Variants in ZC3H12C observed in about 807,000 individuals in gnomAD.
The protein encoded by ZC3H12C is probable ribonuclease ZC3H12C.
ZC3H12C carries 20 observed loss-of-function variants against 76.3 expected under a neutral mutation model. That is an observed-to-expected ratio of 0.26 (90% CI 0.18 to 0.38). The LOEUF is 0.38. Among genes scored for constraint, ZC3H12C ranks in the 10% least tolerant of loss-of-function variants. ZC3H12C has a pLI of 1.00. For missense variants in ZC3H12C, 874 were observed against 1,086.5 expected (o/e 0.80, Z 2.75); for synonymous variants, 352 against 399.6 (o/e 0.88, Z 1.42).
intron 2 of ZC3H12C, among the ~76,000 whole-genome samples, chr11:110,145,678 A>G (rs1431183301): frequency 6.6e-6 from 1 of 152,052 alleles, no homozygotes; most frequent in Non-Finnish European, 1.5e-5. Context: ...CACTGATGTT[A>G]GGATGCCTCT....
At chr11:110,113,188 G>A (rs527953296) in intron 1 of ZC3H12C, among the ~76,000 whole-genome samples, 15 of 152,182 alleles carry the variant, frequency 9.9e-5, no homozygotes, top group Middle Eastern at 3.4e-3. Flanking sequence ...CCAAAGAGTC[G>A]ATAGATAGAA....
intron 1 of ZC3H12C, chr11:110,135,880 C>T (rs992312873): frequency 1.8e-4 from 28 of 151,992 alleles, no homozygotes; most frequent in Non-Finnish European, 4.1e-4. Context: ...AAACTTTTAC[C>T]TTTTCCTGGA....
At chr11:110,154,410 A>G (rs1293528850) in intron 3 of ZC3H12C, among the ~76,000 whole-genome samples, 1 of 152,116 alleles carries the variant, frequency 6.6e-6, no homozygotes, top group Non-Finnish European at 1.5e-5. Context: ...TAATTATTAC[A>G]TCATTGTTAA....
intron 1 of ZC3H12C, among the ~76,000 whole-genome samples, chr11:110,107,279 C>T (rs1486047110): frequency 1.3e-5 from 2 of 152,106 alleles, no homozygotes; most frequent in African/African-American, 4.8e-5. Context: ...ATTTTGAGAC[C>T]TATTTTTATC....
intron 1 of ZC3H12C, among the ~76,000 whole-genome samples, chr11:110,121,361 C>G (rs948581767): frequency 6.6e-6 from 1 of 152,138 alleles, no homozygotes; most frequent in South Asian, 2.1e-4. Context: ...ATCCCGGCCC[C>G]GTTAGAGCTA....
chr11:110,163,484 C>A, intron 5 of ZC3H12C, 105 bp downstream of exon 5: 1 of 810,114 alleles, frequency 1.2e-6, no homozygotes, highest in Non-Finnish European at 1.9e-6. Context: ...GCATAATATG[C>A]AGTTCTTTGG....
intron 1 of ZC3H12C, among the ~76,000 whole-genome samples, chr11:110,110,575 A>G (rs955696832): frequency 5.3e-5 from 8 of 152,240 alleles, no homozygotes; most frequent in African/African-American, 1.9e-4. Context: ...AGAATTATAG[A>G]GATTATTCCA....
At chr11:110,109,044 T>G (rs1167270750) in intron 1 of ZC3H12C, among the ~76,000 whole-genome samples, 1 of 152,230 alleles carries the variant, frequency 6.6e-6, no homozygotes, top group African/African-American at 2.4e-5. Context: ...TATAATTTCT[T>G]TCTTACATTT....
Position 110,126,454 on chromosome 11 carries a change from A to G in ZC3H12C, c.22-10209A>G, listed in dbSNP as rs571297677. On this transcript the variant is annotated intron_variant, in intron 1 of 5. Transcript: ENST00000278590. Reference sequence around the variant, plus strand: ...GGGCTGGTCTTTAACTCCTGGGCTCAAGCAGTCCTCCTGCCTCAGCCTCCT... The same window carrying G: ...GGGCTGGTCTTTAACTCCTGGGCTCGAGCAGTCCTCCTGCCTCAGCCTCCT... Among the ~76,000 whole-genome samples the G allele has an allele frequency of 2.0e-4, 30 of 152,242 alleles. No homozygotes were observed. The East Asian group carries it at 5.8e-3, about 29-fold the overall frequency.
intron 1 of ZC3H12C, among the ~76,000 whole-genome samples, chr11:110,104,269 G>C (rs1001722460): frequency 1.3e-5 from 2 of 152,026 alleles, no homozygotes; most frequent in African/African-American, 4.8e-5. Context: ...TTGTTGGCCA[G>C]GCTGGTCTTG....
chr11:110,146,181 G>A (rs1217620328), intron 2 of ZC3H12C, among the ~76,000 whole-genome samples: 1 of 152,196 alleles, frequency 6.6e-6, no homozygotes, highest in African/African-American at 2.4e-5. Context: ...GTAGAGACAG[G>A]GCTTCACCGT....
chr11:110,106,727 A>G (rs1180422690), intron 1 of ZC3H12C, among the ~76,000 whole-genome samples: 1 of 152,198 alleles, frequency 6.6e-6, no homozygotes, highest in African/African-American at 2.4e-5. Context: ...TATAAAAGAA[A>G]GTTATTTGTT....
At chr11:110,136,071 A>G (rs1861953649) in intron 1 of ZC3H12C, 1 of 152,232 alleles carries the variant, frequency 6.6e-6, no homozygotes, top group Non-Finnish European at 1.5e-5. Context: ...ATCTTAGAAT[A>G]TGTGCTCTTT....
At chr11:110,098,542 G>A (rs982807286) in intron 1 of ZC3H12C, among the ~76,000 whole-genome samples, 1 of 152,176 alleles carries the variant, frequency 6.6e-6, no homozygotes, top group African/African-American at 2.4e-5. Flanking sequence ...CTCACTCACT[G>A]ACTTATCCAG....
intron 1 of ZC3H12C, among the ~76,000 whole-genome samples, chr11:110,106,961 C>T (rs1018304764): frequency 1.3e-5 from 2 of 152,170 alleles, no homozygotes; most frequent in African/African-American, 4.8e-5. Context: ...TAGTAGTAGG[C>T]ATTCAGCCTT....
rs140931288 is a variant in ZC3H12C at position 110,170,907 on chromosome 11, T to C, written c.*5170T>C. ...TACTTTCTGTTAACTTAATTATTAC[T>C]CCTGTTGCAGTGTTACTGTTATGTA... On this transcript the variant is annotated 3_prime_UTR_variant, in exon 6 of 6. Coordinates refer to ENST00000278590, the MANE Select transcript of ZC3H12C (RefSeq NM_033390.2). 52 of 152,346 alleles carry C rather than the reference T, an allele frequency of 3.4e-4. No individual in the cohort carries two copies. The highest frequency in any genetic ancestry group is 1.1e-3 in the African/African-American group (47 of 41,586). 9.4% of individuals were successfully genotyped at this position (152,346 alleles called of 1,614,324 possible).
chr11:110,095,488 A>G (rs1435970138), intron 1 of ZC3H12C, among the ~76,000 whole-genome samples: 1 of 152,196 alleles, frequency 6.6e-6, no homozygotes, highest in Non-Finnish European at 1.5e-5. Context: ...TAAGTAGGGA[A>G]TGTTTTTATC....
At chr11:110,148,646 C>G (rs553343144) in intron 2 of ZC3H12C, among the ~76,000 whole-genome samples, 223 of 152,270 alleles carry the variant, frequency 1.5e-3, no homozygotes, top group Non-Finnish European at 1.8e-3. Flanking sequence ...TCCTTATTGC[C>G]AAATTGTTGG....
chr11:110,148,043 G>GA (rs376595207), intron 2 of ZC3H12C, among the ~76,000 whole-genome samples: 1 of 152,334 alleles, frequency 6.6e-6, no homozygotes, highest in Non-Finnish European at 1.5e-5. Flanking sequence ...ACAAGAAGCA[G>GA]AAAAAGCAGA....
Sources: allele counts gnomAD v4.1 joint callset (sites outside exome capture counted in the v4.1 genomes callset), GRCh38; gene constraint gnomAD v4.1.1; transcripts MANE v1.5; gene names NCBI Gene and HGNC (gene_info 2026-07-23, HGNC 2026-07-21).